TESC: variants seen among roughly 807,000 people sequenced by gnomAD.
TESC encodes calcineurin B homologous protein 3.
TESC carries 19 observed loss-of-function variants against 31.0 expected under a neutral mutation model. The observed-to-expected ratio is 0.61, with a 90% CI of 0.43 to 0.90. TESC has a LOEUF of 0.90. Among genes scored for constraint, TESC ranks in the 40% least tolerant of loss-of-function variants. The probability of loss-of-function intolerance (pLI) is 0.00; values close to 1 mark genes in which losing one functional copy is unlikely to be tolerated. For missense variants in TESC, 248 were observed against 303.8 expected, an observed-to-expected ratio of 0.82 and a Z score of 1.36; for synonymous variants, 109 against 114.8, an observed-to-expected ratio of 0.95 and a Z score of 0.32.
At chr12:117,058,077 G>A (rs1032753720) in intron 2 of TESC, among the ~76,000 whole-genome samples, 1 of 152,000 alleles carries the variant, frequency 6.6e-6, no homozygotes, top group Non-Finnish European at 1.5e-5. Flanking sequence ...AAAATTACCC[G>A]GGTGTGGTGG....
intron 2 of TESC, among the ~76,000 whole-genome samples, chr12:117,063,137 T>C (rs1258949499): frequency 2.0e-5 from 3 of 152,094 alleles, no homozygotes; most frequent in Admixed American, 1.3e-4. Flanking sequence ...ACAATGATGA[T>C]CCTATTTTAC....
intron 1 of TESC, among the ~76,000 whole-genome samples, chr12:117,082,870 T>C (rs1029494631): frequency 2.0e-5 from 3 of 152,244 alleles, no homozygotes; most frequent in African/African-American, 4.8e-5. Flanking sequence ...CGGAGATTAC[T>C]TGTATAATTG....
At chr12:117,041,595 C>A (rs776836902) in intron 7 of TESC, among the ~76,000 whole-genome samples, 3 of 152,106 alleles carry the variant, frequency 2.0e-5, no homozygotes, top group Non-Finnish European at 2.9e-5. Flanking sequence ...AGCCTCCCAA[C>A]GTGCTGGGAT....
chr12:117,057,382 G>A (rs938870157), intron 2 of TESC, among the ~76,000 whole-genome samples: 4 of 152,202 alleles, frequency 2.6e-5, no homozygotes, highest in Non-Finnish European at 4.4e-5. Context: ...TTACAGGTGT[G>A]AGCCACTGGC....
At chr12:117,052,321 G>GT (rs1954659389) in intron 3 of TESC, among the ~76,000 whole-genome samples, 1 of 152,168 alleles carries the variant, frequency 6.6e-6, no homozygotes, top group African/African-American at 2.4e-5. Context: ...GCTGAGGCTG[G>GT]TATTTCTTGA....
intron 3 of TESC, among the ~76,000 whole-genome samples, chr12:117,054,825 G>A (rs1271294389): frequency 6.6e-6 from 1 of 152,088 alleles, no homozygotes; most frequent in Non-Finnish European, 1.5e-5. Context: ...GCCATCCTCC[G>A]TTTCCCAGCC....
chr12:117,053,501 C>T (rs1007210146), intron 3 of TESC, among the ~76,000 whole-genome samples: 3 of 152,116 alleles, frequency 2.0e-5, no homozygotes, highest in African/African-American at 4.8e-5. Context: ...TGACAACTGA[C>T]AGCCAAGTGA....
intron 1 of TESC, among the ~76,000 whole-genome samples, chr12:117,076,837 T>C (rs759911897): frequency 2.6e-5 from 4 of 152,206 alleles, no homozygotes; most frequent in Non-Finnish European, 5.9e-5. Flanking sequence ...ACTCCAAGTC[T>C]GTGCGACTGA....
intron 1 of TESC, among the ~76,000 whole-genome samples, chr12:117,087,430 G>A: frequency 6.6e-6 from 1 of 152,156 alleles, no homozygotes; most frequent in Non-Finnish European, 1.5e-5. Context: ...GATACCAAGG[G>A]TCCTGTTAGG....
chr12:117,080,327 G>A (rs774054313), intron 1 of TESC, among the ~76,000 whole-genome samples: 1 of 152,096 alleles, frequency 6.6e-6, no homozygotes, highest in Non-Finnish European at 1.5e-5. Context: ...AATCAGCCAG[G>A]CGTGGTGGGG....
intron 3 of TESC, among the ~76,000 whole-genome samples, chr12:117,056,348 TGCCCAG>T: frequency 7.2e-6 from 1 of 139,220 alleles, no homozygotes; most frequent in African/African-American, 3.0e-5. Flanking sequence ...TGAGCCACTG[TGCCCAG>T]CCTTAAATTT....
chr12:117,082,475 C>T (rs1486684448), intron 1 of TESC, among the ~76,000 whole-genome samples: 2 of 149,828 alleles, frequency 1.3e-5, no homozygotes, highest in Non-Finnish European at 3.0e-5. Context: ...ACACTCCAGC[C>T]GGGGGGACAA....
chr12:117,084,579 C>A (rs1955191117), intron 1 of TESC, among the ~76,000 whole-genome samples: 1 of 152,224 alleles, frequency 6.6e-6, no homozygotes, highest in Non-Finnish European at 1.5e-5. Context: ...TGCAGCCCTG[C>A]TGTGCTGAGC....
At chr12:117,099,034 C>T (rs1955435460) in intron 1 of TESC, among the ~76,000 whole-genome samples, 191 bp downstream of exon 1, 1 of 152,160 alleles carries the variant, frequency 6.6e-6, no homozygotes, top group Non-Finnish European at 1.5e-5. Flanking sequence ...CACTGAGCAT[C>T]GCCGCGGAGC....
intron 6 of TESC, among the ~76,000 whole-genome samples, chr12:117,044,460 A>G (rs11068299): frequency 0.44 from 67,508 of 151,964 alleles, 17,216 homozygotes; most frequent in African/African-American, 0.7. Flanking sequence ...AAAGGCCCCC[A>G]TGGCCAGAGT....
At chr12:117,094,599 C>T (rs1347436376) in intron 1 of TESC, among the ~76,000 whole-genome samples, 2 of 152,098 alleles carry the variant, frequency 1.3e-5, no homozygotes, top group African/African-American at 2.4e-5. Flanking sequence ...CCTGCTATTG[C>T]GGGCTCCAGG....
At chr12:117,060,562 T>C (rs1030116802) in intron 2 of TESC, among the ~76,000 whole-genome samples, 1 of 152,008 alleles carries the variant, frequency 6.6e-6, no homozygotes, top group Non-Finnish European at 1.5e-5. Flanking sequence ...CACGATCGGA[T>C]GACAATGACA....
intron 2 of TESC, among the ~76,000 whole-genome samples, chr12:117,062,205 T>C (rs1490322042): frequency 6.6e-6 from 1 of 152,102 alleles, no homozygotes; most frequent in East Asian, 1.9e-4. Context: ...AAGTAGGTAC[T>C]TATGCCCATT....
chr12:117,045,829 G>A (rs539417942), intron 6 of TESC, among the ~76,000 whole-genome samples: 14 of 152,318 alleles, frequency 9.2e-5, no homozygotes, highest in South Asian at 2.1e-4. Flanking sequence ...GGGAACACAC[G>A]ACACCCAGGT....
Sources: allele counts gnomAD v4.1 joint callset (sites outside exome capture counted in the v4.1 genomes callset), GRCh38; gene constraint gnomAD v4.1.1; transcripts MANE v1.5; gene names NCBI Gene and HGNC (gene_info 2026-07-23, HGNC 2026-07-21).